Variants in POC1A observed in about 807,000 individuals in gnomAD.
The protein encoded by POC1A is POC1 centriolar protein A, also known as POC1 centriolar protein homolog A.
In POC1A, 34 loss-of-function variants were observed where a neutral mutation model predicts 47.8. That is an observed-to-expected ratio of 0.71 (90% CI 0.54 to 0.95). POC1A has a LOEUF of 0.95. POC1A is among the 40% of genes least tolerant of loss of function. The probability of loss-of-function intolerance (pLI) is 0.00; values close to 1 mark genes in which losing one functional copy is unlikely to be tolerated. For missense variants in POC1A, 466 were observed against 528.3 expected (o/e 0.88, Z 1.16); for synonymous variants, 177 against 207.6 (o/e 0.85, Z 1.27).
At chr3:52,109,967 T>A (rs564884439) in intron 9 of POC1A, among the ~76,000 whole-genome samples, 1 of 152,290 alleles carries the variant, frequency 6.6e-6, no homozygotes, top group South Asian at 2.1e-4. Context: ...CCACCCTCTG[T>A]TGCCCTGCCA....
chr3:52,142,672 G>T (rs1211809469), intron 6 of POC1A, among the ~76,000 whole-genome samples: 4 of 152,192 alleles, frequency 2.6e-5, no homozygotes, highest in African/African-American at 9.7e-5. Context: ...GAGTCACTAG[G>T]GGAGACACTG....
At chr3:52,126,474 G>A (rs1331304086) in intron 7 of POC1A, among the ~76,000 whole-genome samples, 2 of 152,084 alleles carry the variant, frequency 1.3e-5, no homozygotes, top group African/African-American at 4.8e-5. Context: ...CACCTCTGAC[G>A]AAAAAAGCAA....
intron 6 of POC1A, among the ~76,000 whole-genome samples, chr3:52,139,280 C>T (rs937304070): frequency 2.0e-5 from 3 of 152,172 alleles, no homozygotes; most frequent in African/African-American, 4.8e-5. Flanking sequence ...ATGTTCCTCT[C>T]CTTTGCCCCC....
At chr3:52,080,850 C>T (rs956233535) in intron 10 of POC1A, among the ~76,000 whole-genome samples, 5 of 152,218 alleles carry the variant, frequency 3.3e-5, no homozygotes, top group East Asian at 3.9e-4. Flanking sequence ...CCTCTCTCTC[C>T]CTAAATCGGA....
In POC1A at chr3:52,141,459, G is replaced by C. The variant is rs1488507494; in HGVS notation, c.680-3157C>G. ...GCGCAACTGATGTTACTAGTGACAC[G>C]GTGGCTCTGGGTTGACAAGAGGCTT... On this transcript the variant is annotated intron_variant, in intron 6 of 10. Coordinates refer to ENST00000296484, the MANE Select transcript of POC1A (RefSeq NM_015426.5). Among the ~76,000 whole-genome samples the C allele has an allele frequency of 2.0e-5, 3 of 152,206 alleles. No individual in the cohort carries two copies. In the South Asian group the frequency reaches 6.2e-4, roughly 31 times the overall value.
intron 9 of POC1A, among the ~76,000 whole-genome samples, chr3:52,106,857 G>C (rs1703203042): frequency 6.6e-6 from 1 of 152,256 alleles, no homozygotes; most frequent in Non-Finnish European, 1.5e-5. Flanking sequence ...CCATCAATCT[G>C]CTGACTCCCC....
At chr3:52,094,913 G>A (rs374964082) in intron 10 of POC1A, among the ~76,000 whole-genome samples, 7 of 152,290 alleles carry the variant, frequency 4.6e-5, no homozygotes, top group South Asian at 2.1e-4. Flanking sequence ...TACTCTCTGC[G>A]ATGCAAGTTT....
intron 3 of POC1A, 134 bp downstream of exon 3, chr3:52,149,682 G>C (rs1698488126): frequency 1.2e-6 from 1 of 863,548 alleles, no homozygotes; most frequent in African/African-American, 1.7e-5. Flanking sequence ...CCCAGCCTCT[G>C]ATGGCACCTC....
chr3:52,079,691 C>T lies in POC1A; in HGVS notation c.1126-3706G>A, dbSNP rs1028523164. Among the ~76,000 whole-genome samples, 1 of 152,204 alleles carries T rather than the reference C, an allele frequency of 6.6e-6. No homozygotes were observed. The highest frequency in any genetic ancestry group is 2.1e-4 in the South Asian group (1 of 4,836). ...TGCCTGACACAAGCGTCCATGGCTTCTGGCTTTGGGGCAGGGTAAAGGGAA... is the reference window on the plus strand; with the variant it reads ...TGCCTGACACAAGCGTCCATGGCTTTTGGCTTTGGGGCAGGGTAAAGGGAA... On this transcript the variant is annotated intron_variant, in intron 10 of 10. Transcript: ENST00000296484. This position sits in a 1 kb window ranked among gnomAD's most constrained non-coding sequence, Gnocchi z 4.6.
chr3:52,123,508 C>A (rs967134031), intron 8 of POC1A, among the ~76,000 whole-genome samples: 1 of 152,108 alleles, frequency 6.6e-6, no homozygotes, highest in Admixed American at 6.5e-5. Flanking sequence ...CAGCTGTGAG[C>A]CTCGTTCTTC....
At chr3:52,122,590 G>A in intron 8 of POC1A, 113 bp from the exon 9 acceptor site, 4 of 713,386 alleles carry the variant, frequency 5.6e-6, no homozygotes, top group Admixed American at 2.1e-5. Context: ...TGGTGGGATA[G>A]TGGTCCCCAC....
intron 10 of POC1A, among the ~76,000 whole-genome samples, chr3:52,082,856 C>T (rs1702344902): frequency 6.6e-6 from 1 of 152,190 alleles, no homozygotes; most frequent in African/African-American, 2.4e-5. Context: ...GGCGACATCT[C>T]AACAGATACC....
intron 10 of POC1A, among the ~76,000 whole-genome samples, chr3:52,094,175 T>C (rs1426552306): frequency 2.0e-5 from 3 of 152,224 alleles, no homozygotes; most frequent in African/African-American, 7.2e-5. Context: ...TTGGGGTGGC[T>C]GGGCATCCTA....
intron 6 of POC1A, among the ~76,000 whole-genome samples, chr3:52,142,527 A>G (rs920940056): frequency 6.6e-6 from 1 of 152,236 alleles, no homozygotes; most frequent in African/African-American, 2.4e-5. Flanking sequence ...ATAGAGCACA[A>G]CTATGGACGG....
intron 9 of POC1A, among the ~76,000 whole-genome samples, chr3:52,098,728 C>T (rs1246805970): frequency 6.6e-6 from 1 of 152,202 alleles, no homozygotes; most frequent in Non-Finnish European, 1.5e-5. Flanking sequence ...TCCTTGCCCA[C>T]TCCCATCAGA....
chr3:52,125,115 G>T lies in POC1A; in HGVS notation c.880C>A (p.Gln294Lys). 6.2e-7 allele frequency: 1 copy of T among 1,607,972 alleles called. No homozygotes were observed. The highest frequency in any genetic ancestry group is 8.5e-7 in the Non-Finnish European group (1 of 1,174,418). Residue 294 changes from glutamine (Q) to lysine (K), a missense_variant and splice_region_variant, in exon 8 of 11, where the codon CAA becomes AAA. By Grantham distance (53) the Gln-to-Lys change is moderately conservative. Transcript: ENST00000296484. Reference protein sequence around the residue: ...EYFASGGSDEQVMVWKSNFDI... With the variant: ...EYFASGGSDEKVMVWKSNFDI... Reference sequence around the variant, plus strand: ...CCATTCGACTACTCTTTACTTACTTGTTCATCAGAGCCTCCAGAAGCAAAA... The same window carrying T: ...CCATTCGACTACTCTTTACTTACTTTTTCATCAGAGCCTCCAGAAGCAAAA...
Position 52,122,381 on chromosome 3 carries a change from G to A in POC1A, c.979C>T (p.Leu327=), listed in dbSNP as rs779000787. 13 of 1,589,062 alleles carry A rather than the reference G, an allele frequency of 8.2e-6. No homozygotes were observed. The highest frequency in any genetic ancestry group is 1.1e-5 in the Non-Finnish European group (13 of 1,157,222). The change falls in exon 9 of 11, where the codon CTG becomes TTG. Residue 327 remains leucine (L), a splice_region_variant and synonymous_variant. Coordinates refer to ENST00000296484, the MANE Select transcript of POC1A (RefSeq NM_015426.5). ...GACATGCCTGCCAAGCCACTTACCA[G>A]ATTCCCCATGGAGCTGGCCAGTGTG... ...PATLASSMGN[L]PEVDFPVPPG... is the part of the protein sequence containing the mutation.
chr3:52,103,802 C>T (rs770944236), intron 9 of POC1A, among the ~76,000 whole-genome samples: 179 of 151,994 alleles, frequency 1.2e-3, no homozygotes, highest in Non-Finnish European at 2.1e-3. Flanking sequence ...CAACTATATG[C>T]GTATTAGAAT....
At chr3:52,140,494 C>A (rs556162893) in intron 6 of POC1A, among the ~76,000 whole-genome samples, 1 of 152,316 alleles carries the variant, frequency 6.6e-6, no homozygotes, top group Non-Finnish European at 1.5e-5. Context: ...GGCTTCCCAG[C>A]ACCATCAAGG....
Sources: allele counts gnomAD v4.1 joint callset (sites outside exome capture counted in the v4.1 genomes callset), GRCh38; gene constraint gnomAD v4.1.1; non-coding constraint Gnocchi (gnomAD v3.1); transcripts MANE v1.5; gene names NCBI Gene and HGNC (gene_info 2026-07-23, HGNC 2026-07-21).